The following COG5 variants were observed in gnomAD, a reference collection of about 807,000 sequenced individuals.
COG5 encodes component of oligomeric golgi complex 5, also known as conserved oligomeric Golgi complex subunit 5.
In COG5, 86 loss-of-function variants were observed where a neutral mutation model predicts 110.4. The ratio of observed to expected loss-of-function variants is 0.78; its 90% confidence interval spans 0.65 to 0.93. COG5 has a LOEUF of 0.93. COG5 is among the 40% of genes least tolerant of loss of function. COG5 has a pLI of 0.00. For missense variants in COG5, 1,077 were observed against 987.0 expected, an observed-to-expected ratio of 1.09 and a Z score of -1.22; for synonymous variants, 360 against 334.6, an observed-to-expected ratio of 1.08 and a Z score of -0.83.
chr7:107,247,161 T>C (rs1242768376), intron 17 of COG5, among the ~76,000 whole-genome samples: 1 of 152,152 alleles, frequency 6.6e-6, no homozygotes, highest in Non-Finnish European at 1.5e-5. Flanking sequence ...AAGTGGGATC[T>C]AAATAATGAG....
At chr7:107,379,436 G>GTT (rs1814914006) in intron 7 of COG5, among the ~76,000 whole-genome samples, 1 of 152,060 alleles carries the variant, frequency 6.6e-6, no homozygotes, top group South Asian at 2.1e-4. Context: ...AACTTTAAAA[G>GTT]TAAATGGGCT....
intron 3 of COG5, among the ~76,000 whole-genome samples, chr7:107,549,444 T>G (rs1191692336): frequency 6.6e-6 from 1 of 152,092 alleles, no homozygotes; most frequent in African/African-American, 2.4e-5. Context: ...CAGGCTGGAG[T>G]GCAGTGGCTT....
At chr7:107,209,192 G>A in intron 21 of COG5, 1 of 985,446 alleles carries the variant, frequency 1.0e-6, no homozygotes, top group Non-Finnish European at 1.2e-6. Context: ...AACAGAATTG[G>A]GATCCCCTGG....
At chr7:107,317,294 A>G (rs1017070624) in intron 11 of COG5, among the ~76,000 whole-genome samples, 4 of 152,088 alleles carry the variant, frequency 2.6e-5, no homozygotes, top group African/African-American at 9.7e-5. Flanking sequence ...CCAAACAGAA[A>G]CAACTAGAGT....
intron 6 of COG5, chr7:107,470,471 AC>A (rs1796567911): frequency 6.6e-6 from 1 of 152,198 alleles, no homozygotes; most frequent in South Asian, 2.1e-4. Context: ...ATTATAGTAT[AC>A]AGCTGCTTTT....
At chr7:107,560,223 A>G (rs1228727502) in intron 1 of COG5, among the ~76,000 whole-genome samples, 1 of 152,152 alleles carries the variant, frequency 6.6e-6, no homozygotes, top group Non-Finnish European at 1.5e-5. Context: ...AACACTACAA[A>G]AATCAGGGCT....
intron 5 of COG5, among the ~76,000 whole-genome samples, chr7:107,533,718 T>C (rs2712223): frequency 0.42 from 63,539 of 151,254 alleles, 14,036 homozygotes; most frequent in Non-Finnish European, 0.47. Flanking sequence ...ATGGGGAGAA[T>C]GGAACCAAGT....
chr7:107,463,971 C>T (rs1796153453), intron 6 of COG5, among the ~76,000 whole-genome samples: 1 of 152,006 alleles, frequency 6.6e-6, no homozygotes, highest in Non-Finnish European at 1.5e-5. Flanking sequence ...CACAGGACCA[C>T]GTAGGATGGC....
chr7:107,540,428 A>T lies in COG5; in HGVS notation c.417+7683T>A, dbSNP rs1563090472. ...TCTCTACAATAAAAAAAAAAAAAAAATTAGCTGGGCATGGTAGTGTGTGCC... is the reference window on the plus strand; with the variant it reads ...TCTCTACAATAAAAAAAAAAAAAAATTTAGCTGGGCATGGTAGTGTGTGCC... On this transcript the variant is annotated intron_variant, in intron 5 of 21. Transcript: ENST00000297135. Among the ~76,000 whole-genome samples, 3 of 150,826 alleles carry T rather than the reference A, an allele frequency of 2.0e-5. No individual in the cohort carries two copies. The South Asian group carries it at 6.3e-4, about 31-fold the overall frequency.
chr7:107,295,103 T>TATGTATATA (rs1562955870), intron 12 of COG5, among the ~76,000 whole-genome samples: 3 of 46,078 alleles, frequency 6.5e-5, no homozygotes, highest in Non-Finnish European at 8.8e-5. Flanking sequence ...ATATATATAT[T>TATGTATATA]TTTTTTTTTT....
At chr7:107,214,529 T>C (rs1562914984) in intron 19 of COG5, among the ~76,000 whole-genome samples, 1 of 152,142 alleles carries the variant, frequency 6.6e-6, no homozygotes, top group African/African-American at 2.4e-5. Flanking sequence ...CAAAAATCAA[T>C]GCTATAAATA....
intron 7 of COG5, among the ~76,000 whole-genome samples, chr7:107,388,837 C>CT (rs1790404993): frequency 6.6e-6 from 1 of 152,132 alleles, no homozygotes; most frequent in African/African-American, 2.4e-5. Context: ...AGGACCCAAC[C>CT]TGGTACCAGA....
At chr7:107,517,501 C>T (rs1800009742) in intron 6 of COG5, among the ~76,000 whole-genome samples, 1 of 152,036 alleles carries the variant, frequency 6.6e-6, no homozygotes, top group African/African-American at 2.4e-5. Context: ...GAGAACACCA[C>T]TAAGATATTC....
intron 19 of COG5, among the ~76,000 whole-genome samples, chr7:107,213,692 G>A (rs1344408519): frequency 6.6e-6 from 1 of 152,222 alleles, no homozygotes; most frequent in East Asian, 1.9e-4. Flanking sequence ...TAGAGAAACT[G>A]ACAGCAAGCT....
intron 10 of COG5, among the ~76,000 whole-genome samples, 188 bp from the exon 11 acceptor site, chr7:107,324,709 T>C (rs757780093): frequency 1.3e-5 from 2 of 152,184 alleles, no homozygotes; most frequent in Non-Finnish European, 2.9e-5. Context: ...TGTCTTATGT[T>C]CAAGTAGTCA....
intron 6 of COG5, among the ~76,000 whole-genome samples, chr7:107,442,669 G>A (rs973468851): frequency 1.4e-5 from 2 of 147,822 alleles, no homozygotes; most frequent in Non-Finnish European, 3.0e-5. Flanking sequence ...AAGTCTATAC[G>A]AGAAACTTGT....
intron 11 of COG5, among the ~76,000 whole-genome samples, chr7:107,309,853 C>A (rs1045720784): frequency 1.3e-5 from 2 of 152,110 alleles, no homozygotes; most frequent in African/African-American, 4.8e-5. Context: ...TCACAAAAGT[C>A]TAGCTTTTAT....
chr7:107,353,359 A>G (rs181975558), intron 10 of COG5, among the ~76,000 whole-genome samples: 2,318 of 139,160 alleles, frequency 0.017, 65 homozygotes, highest in African/African-American at 0.054. Context: ...CGGGAGGCGG[A>G]GCTTGCAGTG....
At chr7:107,207,845 G>C in intron 21 of COG5, 5 of 985,416 alleles carry the variant, frequency 5.1e-6, no homozygotes, top group South Asian at 9.4e-5. Context: ...CAGGAAGGCA[G>C]GATGGTTCAC....
Sources: gnomAD v4.1 joint callset for allele counts (sites outside exome capture counted in the v4.1 genomes callset) on GRCh38, gnomAD v4.1.1 for gene constraint, MANE v1.5 for transcripts, NCBI Gene and HGNC (gene_info 2026-07-23, HGNC 2026-07-21) for gene names.